PTPRN2: variants seen among roughly 807,000 people sequenced by gnomAD.
PTPRN2 encodes receptor-type tyrosine-protein phosphatase N2.
A neutral mutation model predicts 118.8 loss-of-function variants in PTPRN2; 74 were observed. That is an observed-to-expected ratio of 0.62 (90% CI 0.52 to 0.76). The LOEUF is 0.76. Among genes scored for constraint, PTPRN2 ranks in the 30% least tolerant of loss-of-function variants. The pLI, the probability that PTPRN2 is intolerant of heterozygous loss-of-function variation, is 0.00. For synonymous variants in PTPRN2, 641 were observed against 608.0 expected, an observed-to-expected ratio of 1.05 and a Z score of -0.80; for missense variants, 1,481 against 1,394.4, an observed-to-expected ratio of 1.06 and a Z score of -0.99.
In PTPRN2 at chr7:157,831,303, C is replaced by T. The variant is rs1226689638; in HGVS notation, c.1788+67370G>A. On this transcript the variant is annotated intron_variant, in intron 12 of 22. Coordinates refer to ENST00000389418, the MANE Select transcript of PTPRN2 (RefSeq NM_002847.5). This position sits in a 1 kb window ranked among gnomAD's most constrained non-coding sequence, Gnocchi z 4.8. ...CTGTAGCCTCATCCAGCACTGCGGCCACTCCTCCTCCAGGTGTCCCGCCAT... is the reference window on the plus strand; with the variant it reads ...CTGTAGCCTCATCCAGCACTGCGGCTACTCCTCCTCCAGGTGTCCCGCCAT... Among the ~76,000 whole-genome samples the T allele has an allele frequency of 6.6e-6, 1 of 152,186 alleles. No individual in the cohort carries two copies. The highest frequency in any genetic ancestry group is 1.5e-5 in the Non-Finnish European group (1 of 68,026).
intron 12 of PTPRN2, among the ~76,000 whole-genome samples, chr7:157,832,368 G>C (rs965711228): frequency 6.6e-6 from 1 of 152,180 alleles, no homozygotes; most frequent in African/African-American, 2.4e-5. Context: ...ATGTTGGTCT[G>C]TTCAGGAAGG....
At chr7:157,871,313 G>T (rs1563192388) in intron 12 of PTPRN2, among the ~76,000 whole-genome samples, 1 of 152,156 alleles carries the variant, frequency 6.6e-6, no homozygotes, top group Non-Finnish European at 1.5e-5. Flanking sequence ...CCAGCAACCT[G>T]TGTGTTTACA....
chr7:158,262,305 TCACACACTGCACA>T (rs1563053455), intron 3 of PTPRN2, among the ~76,000 whole-genome samples: 1 of 146,660 alleles, frequency 6.8e-6, no homozygotes, highest in Non-Finnish European at 1.5e-5. Context: ...GCACACACAT[TCACACACTGCACA>T]CACATTCACA....
Position 158,100,688 on chromosome 7 carries a change from T to C in PTPRN2, c.1643+10141A>G, listed in dbSNP as rs1815164171. Among the ~76,000 whole-genome samples the C allele has an allele frequency of 7.2e-5, 11 of 152,216 alleles. No homozygotes were observed. In the South Asian group the frequency reaches 2.1e-3, roughly 29 times the overall value. On this transcript the variant is annotated intron_variant, in intron 10 of 22. Coordinates refer to ENST00000389418, the MANE Select transcript of PTPRN2 (RefSeq NM_002847.5). ...CATTTTTTCATATGTTTGTTGGCCA[T>C]TTGTATATCTTCTTTCAAGAATTGT... is the stretch of plus-strand genomic sequence containing the variant.
At chr7:158,286,348 C>T (rs1482070340) in intron 3 of PTPRN2, among the ~76,000 whole-genome samples, 1 of 152,178 alleles carries the variant, frequency 6.6e-6, no homozygotes, top group Non-Finnish European at 1.5e-5. Flanking sequence ...TTTGTTTCTT[C>T]CTTTTGCCTA....
chr7:158,271,818 C>T (rs13221539), intron 3 of PTPRN2, among the ~76,000 whole-genome samples: 22,006 of 152,112 alleles, frequency 0.14, 1,850 homozygotes, highest in East Asian at 0.23. Flanking sequence ...CTTTCAGAAG[C>T]GCATTAGCCC....
intron 1 of PTPRN2, among the ~76,000 whole-genome samples, chr7:158,581,806 T>C (rs1828639177): frequency 6.6e-6 from 1 of 152,258 alleles, no homozygotes; most frequent in Admixed American, 6.5e-5. Flanking sequence ...CTCGTTTCTT[T>C]GTGTTACACA....
At chr7:158,010,890 T>TC (rs1272159482) in intron 11 of PTPRN2, among the ~76,000 whole-genome samples, 1 of 152,096 alleles carries the variant, frequency 6.6e-6, no homozygotes, top group African/African-American at 2.4e-5. Flanking sequence ...GTGGGTCTGC[T>TC]CCCCCCACTC....
chr7:158,401,143 G>A (rs6971888), intron 2 of PTPRN2, among the ~76,000 whole-genome samples: 63,449 of 151,938 alleles, frequency 0.42, 13,914 homozygotes, highest in Non-Finnish European at 0.49. Context: ...TGATGCCTGC[G>A]GTGCCAGGGG....
chr7:158,400,165 A>G (rs1452356493), intron 2 of PTPRN2, among the ~76,000 whole-genome samples: 1 of 152,102 alleles, frequency 6.6e-6, no homozygotes, highest in Non-Finnish European at 1.5e-5. Flanking sequence ...AGGATGCCTA[A>G]ACTTACGAGG....
chr7:157,942,434 G>A (rs1390850547), intron 11 of PTPRN2, among the ~76,000 whole-genome samples: 2 of 152,156 alleles, frequency 1.3e-5, no homozygotes, highest in Admixed American at 6.5e-5. Flanking sequence ...CAGCCTCAGC[G>A]AATGTCCTGA....
intron 12 of PTPRN2, among the ~76,000 whole-genome samples, chr7:157,736,489 A>G (rs955903340): frequency 6.6e-6 from 1 of 152,202 alleles, no homozygotes; most frequent in African/African-American, 2.4e-5. Flanking sequence ...GTGTGAGGAC[A>G]TGGGGAGAAG....
At chr7:158,169,417 A>AGAGTGT (rs1554570801) in intron 5 of PTPRN2, among the ~76,000 whole-genome samples, 12 of 136,526 alleles carry the variant, frequency 8.8e-5, no homozygotes, top group African/African-American at 3.1e-4. Flanking sequence ...TGCTTTTGTG[A>AGAGTGT]GTGTGTGTGT....
intron 12 of PTPRN2, among the ~76,000 whole-genome samples, chr7:157,892,952 G>C (rs1163057605): frequency 2.6e-5 from 4 of 152,234 alleles, no homozygotes; most frequent in African/African-American, 9.6e-5. Flanking sequence ...CACTCACTTG[G>C]GGCAACAGGA....
chr7:157,549,099 T>G, intron 21 of PTPRN2, 80 bp from the exon 22 acceptor site: 3 of 1,363,802 alleles, frequency 2.2e-6, no homozygotes, highest in Non-Finnish European at 3.1e-6. Flanking sequence ...GCTAGCCACG[T>G]TCCCTCTGGG....
At chr7:157,579,307 A>C (rs981640293) in intron 17 of PTPRN2, among the ~76,000 whole-genome samples, 11 of 152,242 alleles carry the variant, frequency 7.2e-5, no homozygotes, top group Admixed American at 1.3e-4. Context: ...ATAAATAAGA[A>C]TTATGCTCAA....
intron 12 of PTPRN2, among the ~76,000 whole-genome samples, chr7:157,725,918 G>A (rs59091164): frequency 3.7e-5 from 3 of 80,880 alleles, no homozygotes; most frequent in African/African-American, 5.6e-5. Flanking sequence ...ATATCCACAC[G>A]CAGAGGAGTG....
intron 11 of PTPRN2, among the ~76,000 whole-genome samples, chr7:157,926,940 G>A (rs1215401276): frequency 6.6e-6 from 1 of 150,466 alleles, no homozygotes; most frequent in African/African-American, 2.4e-5. Flanking sequence ...TGAGAGCAGA[G>A]ACCTCACGTC....
chr7:158,409,936 TC>T (rs1205458945), intron 2 of PTPRN2, among the ~76,000 whole-genome samples: 1 of 152,230 alleles, frequency 6.6e-6, no homozygotes, highest in Non-Finnish European at 1.5e-5. Context: ...GAACTTGCCT[TC>T]CAAAGTTTTC....
Sources: gnomAD v4.1 joint callset for allele counts (sites outside exome capture counted in the v4.1 genomes callset) on GRCh38, gnomAD v4.1.1 for gene constraint, Gnocchi (gnomAD v3.1) non-coding constraint, MANE v1.5 for transcripts, NCBI Gene and HGNC (gene_info 2026-07-23, HGNC 2026-07-21) for gene names.